Variants in SRPK2 observed in about 807,000 individuals in gnomAD.
SRPK2 encodes SRSF protein kinase 2.
Under a neutral mutation model 90.8 loss-of-function variants are expected in SRPK2, and 21 were observed. The observed-to-expected ratio is 0.23, with a 90% CI of 0.16 to 0.33. SRPK2 has a LOEUF of 0.33. SRPK2 is among the 10% of genes least tolerant of loss of function. SRPK2 has a pLI of 1.00. For synonymous variants in SRPK2, 288 were observed against 311.1 expected (o/e 0.93, Z 0.78); for missense variants, 620 against 869.0 (o/e 0.71, Z 3.60).
chr7:105,396,721 G>A (rs989136219), intron 1 of SRPK2, among the ~76,000 whole-genome samples: 2 of 149,552 alleles, frequency 1.3e-5, no homozygotes, highest in African/African-American at 2.5e-5. Flanking sequence ...GGGAGGGGGA[G>A]GGGAGAAGGA....
intron 13 of SRPK2, 57 bp downstream of exon 13, chr7:105,132,733 CA>C: frequency 1.4e-6 from 2 of 1,382,502 alleles, no homozygotes; most frequent in East Asian, 4.9e-5. Flanking sequence ...CAGCCCCATC[CA>C]GAGTGTGAAA....
chr7:105,195,301 G>A (rs1434725996), intron 3 of SRPK2, among the ~76,000 whole-genome samples: 2 of 152,028 alleles, frequency 1.3e-5, no homozygotes, highest in African/African-American at 4.8e-5. Flanking sequence ...TGCCCACCTC[G>A]GCCTCCCAAA....
chr7:105,220,761 T>C (rs964958447), intron 2 of SRPK2, among the ~76,000 whole-genome samples: 2 of 152,138 alleles, frequency 1.3e-5, no homozygotes, highest in Admixed American at 6.5e-5. Context: ...ATTTTTTTTT[T>C]CCATCAAGAC....
At chr7:105,233,797 T>G (rs538269370) in intron 2 of SRPK2, among the ~76,000 whole-genome samples, 1 of 152,138 alleles carries the variant, frequency 6.6e-6, no homozygotes, top group East Asian at 1.9e-4. Context: ...GACTCAGAGA[T>G]TGCAGTGAGC....
At chr7:105,273,585 C>T (rs1806123619) in intron 2 of SRPK2, among the ~76,000 whole-genome samples, 1 of 152,134 alleles carries the variant, frequency 6.6e-6, no homozygotes, top group Admixed American at 6.5e-5. Flanking sequence ...ACCACCACGC[C>T]TAGCTACCCA....
At chr7:105,242,748 G>C (rs1214851822) in intron 2 of SRPK2, among the ~76,000 whole-genome samples, 3 of 152,126 alleles carry the variant, frequency 2.0e-5, no homozygotes, top group Non-Finnish European at 4.4e-5. Context: ...CATTCAAGAG[G>C]GGGCCCAGAC....
In SRPK2 at chr7:105,298,738, G is replaced by T. The variant is rs1032901764; in HGVS notation, c.71+89910C>A. The T allele has an allele frequency of 3.0e-6, 3 of 985,512 alleles. No homozygotes were observed. The East Asian group carries it at 3.4e-4, about 112-fold the overall frequency. The allele number at this position is 985,512 out of a possible 1,614,324, so 61.0% of individuals were successfully genotyped here. ...CATCCCTCCTCAGCTGATGCCTCAC[G>T]TTAGCAGTAGGAGACAGCAGAGGCA... On this transcript the variant is annotated intron_variant, in intron 2 of 15. Coordinates refer to ENST00000393651, the MANE Select transcript of SRPK2 (RefSeq NM_182692.3).
intron 1 of SRPK2, among the ~76,000 whole-genome samples, chr7:105,398,943 C>T (rs1456667550): frequency 6.6e-6 from 1 of 152,110 alleles, no homozygotes; most frequent in Non-Finnish European, 1.5e-5. Flanking sequence ...AGTTAATTCC[C>T]ATAAAATACT....
chr7:105,373,334 C>T (rs1425573479), intron 2 of SRPK2, among the ~76,000 whole-genome samples: 16 of 151,526 alleles, frequency 1.1e-4, no homozygotes, highest in Non-Finnish European at 2.4e-4. Context: ...ACTTCTCTCC[C>T]TCAACCGGTT....
chr7:105,181,891 AAAAAACAGAAAAC>A (rs1792878307), intron 3 of SRPK2, among the ~76,000 whole-genome samples: 1 of 147,486 alleles, frequency 6.8e-6, no homozygotes, highest in Admixed American at 6.7e-5. Flanking sequence ...TAAAAAAAAA[AAAAAACAGAAAAC>A]ACACACACAA....
chr7:105,361,302 C>A (rs540821620), intron 2 of SRPK2, among the ~76,000 whole-genome samples: 1 of 152,252 alleles, frequency 6.6e-6, no homozygotes, highest in South Asian at 2.1e-4. Context: ...GAACTACAAA[C>A]CACTGCTCAA....
chr7:105,146,878 G>A (rs10269027), intron 7 of SRPK2, among the ~76,000 whole-genome samples: 108,954 of 152,034 alleles, frequency 0.72, 41,989 homozygotes, highest in Non-Finnish European at 0.87. Context: ...ATTTATGCTC[G>A]TGGAAGCAAA....
chr7:105,125,847 A>G, intron 15 of SRPK2: 2 of 1,300,168 alleles, frequency 1.5e-6, no homozygotes, highest in Non-Finnish European at 2.0e-6. Flanking sequence ...GACTTTCCCC[A>G]GCAGTTCAAT....
At chr7:105,380,386 T>G (rs1196546030) in intron 2 of SRPK2, among the ~76,000 whole-genome samples, 4 of 152,092 alleles carry the variant, frequency 2.6e-5, no homozygotes, top group African/African-American at 9.7e-5. Flanking sequence ...CACTGATCTT[T>G]AAAAGATCAA....
At chr7:105,309,333 T>C (rs965495212) in intron 2 of SRPK2, among the ~76,000 whole-genome samples, 2 of 152,154 alleles carry the variant, frequency 1.3e-5, no homozygotes, top group African/African-American at 2.4e-5. Context: ...AACTTCAGAA[T>C]GATAAACTTT....
intron 7 of SRPK2, chr7:105,160,264 C>T (rs1489344087): frequency 2.2e-5 from 6 of 271,998 alleles, no homozygotes; most frequent in Non-Finnish European, 4.1e-5. Flanking sequence ...AAAAAAAAAA[C>T]GACAGGCAAA....
intron 2 of SRPK2, among the ~76,000 whole-genome samples, chr7:105,375,133 G>A (rs899077318): frequency 1.1e-4 from 16 of 151,768 alleles, no homozygotes; most frequent in African/African-American, 3.4e-4. Context: ...TTCTAGATAT[G>A]GCATATAATA....
In SRPK2 at chr7:105,171,619, T is replaced by C. The variant is rs1180414775; in HGVS notation, c.230-2354A>G. On this transcript the variant is annotated intron_variant, in intron 3 of 15. Transcript: ENST00000393651. Reference sequence around the variant, plus strand: ...GGCTCTCAATAATACTTCAAGAATATATTTCTGAACATTTAAATTGTGTTG... The same window carrying C: ...GGCTCTCAATAATACTTCAAGAATACATTTCTGAACATTTAAATTGTGTTG... Among the ~76,000 whole-genome samples, 5 of 152,210 alleles carry C rather than the reference T, an allele frequency of 3.3e-5. No individual in the cohort carries two copies. The East Asian group carries it at 7.7e-4, about 23-fold the overall frequency.
chr7:105,380,079 C>T (rs542526493), intron 2 of SRPK2, among the ~76,000 whole-genome samples: 7 of 152,104 alleles, frequency 4.6e-5, no homozygotes, highest in African/African-American at 7.2e-5. Context: ...AGGGTGAAAG[C>T]GGCCTAGGCA....
Sources: gnomAD v4.1 joint callset for allele counts (sites outside exome capture counted in the v4.1 genomes callset) on GRCh38, gnomAD v4.1.1 for gene constraint, MANE v1.5 for transcripts, NCBI Gene and HGNC (gene_info 2026-07-23, HGNC 2026-07-21) for gene names.